Variants in FGF1 observed in about 807,000 individuals in gnomAD.
FGF1 encodes the protein beta-endothelial cell growth factor.
A neutral mutation model predicts 13.4 loss-of-function variants in FGF1; 9 were observed. The ratio of observed to expected loss-of-function variants is 0.67; its 90% CI spans 0.40 to 1.17. The LOEUF (loss-of-function observed/expected upper bound fraction) is 1.17. Among genes scored for constraint, FGF1 ranks in the 50% most tolerant of loss-of-function variants. The probability of loss-of-function intolerance (pLI) is 0.01; values close to 1 mark genes in which losing one functional copy is unlikely to be tolerated. For synonymous variants in FGF1, 93 were observed against 79.0 expected, an observed-to-expected ratio of 1.18 and a Z score of -0.94; for missense variants, 156 against 192.7, an observed-to-expected ratio of 0.81 and a Z score of 1.13.
chr5:142,676,461 G>T (rs532661753), intron 1 of FGF1, among the ~76,000 whole-genome samples: 5 of 152,318 alleles, frequency 3.3e-5, no homozygotes, highest in African/African-American at 1.2e-4. Flanking sequence ...CCCTAGGACA[G>T]AACCGCTGCT....
intron 3 of FGF1, among the ~76,000 whole-genome samples, chr5:142,596,836 AC>A (rs1755388593): frequency 1.3e-5 from 2 of 152,068 alleles, no homozygotes; most frequent in Non-Finnish European, 2.9e-5. Flanking sequence ...CCCAAAACCC[AC>A]CACCCAGATA....
chr5:142,642,541 C>G (rs1258072417), intron 1 of FGF1, among the ~76,000 whole-genome samples: 2 of 152,200 alleles, frequency 1.3e-5, no homozygotes, highest in Non-Finnish European at 2.9e-5. Context: ...CACAGGGCTT[C>G]TGAACTGGTA....
At chr5:142,691,698 G>A (rs985149923) in intron 2 of FGF1, among the ~76,000 whole-genome samples, 4 of 152,124 alleles carry the variant, frequency 2.6e-5, no homozygotes, top group African/African-American at 9.7e-5. Flanking sequence ...TAGATCTGGG[G>A]TGGGCCTACT....
intron 1 of FGF1, among the ~76,000 whole-genome samples, chr5:142,668,245 A>C (rs1262128967): frequency 6.6e-6 from 1 of 152,216 alleles, no homozygotes; most frequent in Admixed American, 6.5e-5. Flanking sequence ...ATCCAAATTA[A>C]ATCAGACTCA....
intron 1 of FGF1, chr5:142,672,030 T>G (rs1000726367): frequency 6.6e-6 from 1 of 152,148 alleles, no homozygotes; most frequent in Non-Finnish European, 1.5e-5. Flanking sequence ...AAAACATACT[T>G]GAGAGGTGAG....
At chr5:142,671,903 CACAGCT>C (rs2152029226) in intron 1 of FGF1, 1 of 152,280 alleles carries the variant, frequency 6.6e-6, no homozygotes, top group Admixed American at 6.5e-5. Context: ...TCTGTGGTCA[CACAGCT>C]GGTAAGGGGT....
intron 1 of FGF1, among the ~76,000 whole-genome samples, chr5:142,617,587 G>A (rs147686699): frequency 6.6e-6 from 1 of 152,168 alleles, no homozygotes; most frequent in East Asian, 1.9e-4. Flanking sequence ...AGCATCATGA[G>A]GGTGCCTATA....
intron 1 of FGF1, among the ~76,000 whole-genome samples, chr5:142,664,935 A>G (rs1770014394): frequency 6.6e-6 from 1 of 152,260 alleles, no homozygotes; most frequent in African/African-American, 2.4e-5. Flanking sequence ...AAAATGAGGT[A>G]AAGTTACGTA....
Position 142,595,254 on chromosome 5 carries a change from C to A in FGF1, c.*36G>T. ...TCAACCAGGTGAGGACCCCTCGAAA[C>A]TTCTCTGGAGTGGTCAACACCCAGA... On this transcript the variant is annotated 3_prime_UTR_variant, in exon 4 of 4. Transcript: ENST00000337706. The A allele has an allele frequency of 6.3e-7, 1 of 1,583,512 alleles. No homozygotes were observed. Among genetic ancestry groups the A allele is most frequent in the African/African-American group, 1.4e-5 (1 of 74,010 alleles).
At chr5:142,646,326 T>G (rs1766096531) in intron 1 of FGF1, among the ~76,000 whole-genome samples, 1 of 149,054 alleles carries the variant, frequency 6.7e-6, no homozygotes, top group African/African-American at 2.5e-5. Context: ...CCGAAGTAGC[T>G]GGGATTACAG....
chr5:142,660,509 T>C (rs926500177), intron 1 of FGF1, among the ~76,000 whole-genome samples: 1 of 152,162 alleles, frequency 6.6e-6, no homozygotes, highest in Non-Finnish European at 1.5e-5. Flanking sequence ...TGCTGCAGGG[T>C]CACCCCACAA....
chr5:142,603,806 T>C (rs961794470), intron 2 of FGF1, among the ~76,000 whole-genome samples: 5 of 152,206 alleles, frequency 3.3e-5, no homozygotes, highest in African/African-American at 1.2e-4. Flanking sequence ...GCATAGCCTC[T>C]TAGACACAGT....
chr5:142,628,302 A>G (rs1023704188), intron 1 of FGF1, among the ~76,000 whole-genome samples: 4 of 152,148 alleles, frequency 2.6e-5, no homozygotes, highest in African/African-American at 9.7e-5. Context: ...CGAGGTTGGG[A>G]GTTTGAGACC....
At chr5:142,648,155 A>G (rs570864998) in intron 1 of FGF1, among the ~76,000 whole-genome samples, 1 of 152,264 alleles carries the variant, frequency 6.6e-6, no homozygotes, top group South Asian at 2.1e-4. Context: ...TGGATCAAAG[A>G]TTCTCAGCTT....
intron 1 of FGF1, among the ~76,000 whole-genome samples, chr5:142,667,978 C>T (rs188258355): frequency 9.8e-4 from 150 of 152,334 alleles, no homozygotes; most frequent in Admixed American, 2.7e-3. Context: ...CCTTCCTGCC[C>T]GCCAGCCCAC....
chr5:142,667,630 G>A (rs1156363464), intron 1 of FGF1, among the ~76,000 whole-genome samples: 3 of 151,376 alleles, frequency 2.0e-5, no homozygotes, highest in Admixed American at 6.6e-5. Context: ...AGGAAAAATC[G>A]CCGGCTTTTA....
intron 1 of FGF1, among the ~76,000 whole-genome samples, chr5:142,667,633 G>C (rs984834218): frequency 6.6e-6 from 1 of 151,760 alleles, no homozygotes; most frequent in African/African-American, 2.4e-5. Flanking sequence ...AAAAATCGCC[G>C]GCTTTTAGTC....
chr5:142,629,864 A>T (rs1187578366), intron 1 of FGF1, among the ~76,000 whole-genome samples: 1 of 142,454 alleles, frequency 7.0e-6, no homozygotes, highest in African/African-American at 2.6e-5. Flanking sequence ...ATGATATTAT[A>T]TATACATATA....
intron 1 of FGF1, among the ~76,000 whole-genome samples, chr5:142,646,362 T>A (rs946424304): frequency 1.3e-5 from 2 of 151,306 alleles, no homozygotes; most frequent in Non-Finnish European, 3.0e-5. Flanking sequence ...CCCAGCTAAT[T>A]TTTTTTTGAG....
Sources: gnomAD v4.1 joint callset for allele counts (sites outside exome capture counted in the v4.1 genomes callset) on GRCh38, gnomAD v4.1.1 for gene constraint, MANE v1.5 for transcripts, NCBI Gene and HGNC (gene_info 2026-07-23, HGNC 2026-07-21) for gene names.